The following UNC5D variants were observed in gnomAD, a reference collection of about 807,000 sequenced individuals.
UNC5D encodes netrin receptor UNC5D.
A neutral mutation model predicts 105.4 loss-of-function variants in UNC5D; 39 were observed. The observed-to-expected ratio is 0.37, with a 90% CI of 0.29 to 0.48. The LOEUF (loss-of-function observed/expected upper bound fraction) is 0.48, where lower values mean the gene tolerates loss of function less well. Ranked by LOEUF, UNC5D falls within the 20% of genes least tolerant of loss-of-function variation. The pLI, the probability that UNC5D is intolerant of heterozygous loss-of-function variation, is 0.98. For synonymous variants in UNC5D, 452 were observed against 450.4 expected, an observed-to-expected ratio of 1.00 and a Z score of -0.04; for missense variants, 991 against 1,202.4, an observed-to-expected ratio of 0.82 and a Z score of 2.60.
At chr8:35,709,536 A>AAAT (rs1175726528) in intron 8 of UNC5D, among the ~76,000 whole-genome samples, 1 of 152,024 alleles carries the variant, frequency 6.6e-6, no homozygotes, top group Admixed American at 6.5e-5. Flanking sequence ...CTAAAAATAC[A>AAAT]AATATTAGCC....
intron 10 of UNC5D, chr8:35,727,204 ATGGATTAGTTTTCAAAGT>A (rs969032842): frequency 3.3e-5 from 5 of 152,278 alleles, no homozygotes; most frequent in African/African-American, 1.2e-4. Context: ...TATCCTTTCT[ATGGATTAGTTTTCAAAGT>A]TGCTGCCTAA....
intron 1 of UNC5D, among the ~76,000 whole-genome samples, chr8:35,412,912 G>A (rs1424883524): frequency 6.6e-6 from 1 of 152,090 alleles, no homozygotes; most frequent in African/African-American, 2.4e-5. Context: ...CTTTGGAGAG[G>A]AAGTCAGGTA....
intron 3 of UNC5D, among the ~76,000 whole-genome samples, chr8:35,580,935 T>C (rs930521231): frequency 1.3e-5 from 2 of 152,106 alleles, no homozygotes; most frequent in Non-Finnish European, 1.5e-5. Flanking sequence ...GAATAGGAGT[T>C]ACAGAGTGAG....
At chr8:35,624,402 G>T (rs1164950830) in intron 4 of UNC5D, among the ~76,000 whole-genome samples, 1 of 152,154 alleles carries the variant, frequency 6.6e-6, no homozygotes, top group Non-Finnish European at 1.5e-5. Flanking sequence ...TTTAAAAATT[G>T]ATGTTGTTTA....
In UNC5D at chr8:35,288,294, T is replaced by C. The variant is rs375318278; in HGVS notation, c.103+52407T>C. 9.9e-5 allele frequency among the ~76,000 whole-genome samples: 15 copies of C among 152,094 alleles called. No individual in the cohort carries two copies. In the East Asian group the frequency reaches 2.3e-3, roughly 23 times the overall value. ...TCCCACAGGCCATGAGAGAGTGGGA[T>C]GGTATACTCAGAATACTGGGGAAAA... On this transcript the variant is annotated intron_variant, in intron 1 of 16. Transcript: ENST00000404895.
At chr8:35,788,477 C>T (rs1040971776) in intron 16 of UNC5D, among the ~76,000 whole-genome samples, 6 of 152,086 alleles carry the variant, frequency 3.9e-5, no homozygotes, top group East Asian at 1.9e-4. Context: ...TCTTTGTCTT[C>T]GTCATAGAAA....
At chr8:35,650,090 C>T (rs1022528996) in intron 4 of UNC5D, among the ~76,000 whole-genome samples, 2 of 151,686 alleles carry the variant, frequency 1.3e-5, no homozygotes, top group Non-Finnish European at 2.9e-5. Flanking sequence ...AATTTTATTC[C>T]AAAATAAAAA....
intron 11 of UNC5D, among the ~76,000 whole-genome samples, chr8:35,743,443 T>G (rs570310837): frequency 1.3e-5 from 2 of 151,716 alleles, no homozygotes; most frequent in South Asian, 4.2e-4. Context: ...CTAATTTTTC[T>G]ATTTTTTTCT....
chr8:35,704,406 C>T (rs146942866), intron 7 of UNC5D, among the ~76,000 whole-genome samples: 113 of 151,418 alleles, frequency 7.5e-4, no homozygotes, highest in African/African-American at 2.6e-3. Flanking sequence ...TGTTGATCTG[C>T]GTGGGAAGGG....
chr8:35,265,206 TATCA>T (rs151276375), intron 1 of UNC5D, among the ~76,000 whole-genome samples: 50,135 of 151,740 alleles, frequency 0.33, 10,000 homozygotes, highest in Non-Finnish European at 0.43. Flanking sequence ...ACTGTGACCT[TATCA>T]TAGTCTGATG....
chr8:35,605,711 T>A (rs1254720786), intron 4 of UNC5D, among the ~76,000 whole-genome samples: 1 of 152,220 alleles, frequency 6.6e-6, no homozygotes, highest in Non-Finnish European at 1.5e-5. Flanking sequence ...CAAATATAAA[T>A]TTATTAACTC....
intron 9 of UNC5D, 104 bp from the exon 10 acceptor site, chr8:35,726,048 G>C (rs1828845757): frequency 6.9e-7 from 1 of 1,453,812 alleles, no homozygotes; most frequent in African/African-American, 1.4e-5. Flanking sequence ...GATTGGAACT[G>C]CTGGCACCTA....
intron 3 of UNC5D, among the ~76,000 whole-genome samples, chr8:35,573,474 G>T (rs1035472590): frequency 1.3e-5 from 2 of 151,550 alleles, no homozygotes; most frequent in Non-Finnish European, 2.9e-5. Flanking sequence ...AAAAAGAAAA[G>T]AAAAAAAAGT....
chr8:35,438,079 T>C (rs1398713984), intron 1 of UNC5D, among the ~76,000 whole-genome samples: 1 of 151,684 alleles, frequency 6.6e-6, no homozygotes, highest in Non-Finnish European at 1.5e-5. Context: ...CCACCCTTTG[T>C]CCATTTTGGA....
At chr8:35,358,965 G>A (rs951281235) in intron 1 of UNC5D, among the ~76,000 whole-genome samples, 7 of 152,144 alleles carry the variant, frequency 4.6e-5, no homozygotes, top group African/African-American at 1.4e-4. Context: ...GAATAGATAA[G>A]GTACAGGTAG....
chr8:35,732,419 T>G (rs1016205825), intron 11 of UNC5D, among the ~76,000 whole-genome samples: 1 of 152,206 alleles, frequency 6.6e-6, no homozygotes, highest in African/African-American at 2.4e-5. Flanking sequence ...TCTGAAAAAG[T>G]GCTGGTGTCT....
chr8:35,603,833 A>G (rs932403386), intron 4 of UNC5D, among the ~76,000 whole-genome samples: 77 of 152,140 alleles, frequency 5.1e-4, no homozygotes, highest in African/African-American at 1.9e-3. Context: ...TTGTTGGTTT[A>G]AAGTCTGTTT....
rs145302563 is a variant in UNC5D at position 35,309,461 on chromosome 8, G to T, written c.103+73574G>T. ...TGCAAGTTCTTCTCAGGATTTGTGGGTCTTTGACTATGTTAACTGGGAAAT... is the reference window on the plus strand; with the variant it reads ...TGCAAGTTCTTCTCAGGATTTGTGGTTCTTTGACTATGTTAACTGGGAAAT... On this transcript the variant is annotated intron_variant, in intron 1 of 16. Coordinates refer to ENST00000404895, the MANE Select transcript of UNC5D (RefSeq NM_080872.4). 8.4e-4 allele frequency among the ~76,000 whole-genome samples: 128 copies of T among 152,222 alleles called. 2 individuals carry two copies. In the East Asian group the frequency reaches 0.02, roughly 24 times the overall value.
intron 4 of UNC5D, among the ~76,000 whole-genome samples, chr8:35,677,052 A>G (rs543585362): frequency 7.9e-5 from 12 of 151,132 alleles, no homozygotes; most frequent in African/African-American, 2.7e-4. Context: ...CATGGTAATG[A>G]TAGTCTGACC....
Sources: gnomAD v4.1 joint callset for allele counts (sites outside exome capture counted in the v4.1 genomes callset) on GRCh38, gnomAD v4.1.1 for gene constraint, MANE v1.5 for transcripts, NCBI Gene and HGNC (gene_info 2026-07-23, HGNC 2026-07-21) for gene names.